Variants in NTRK1 observed in about 807,000 individuals in gnomAD.
NTRK1 encodes high affinity nerve growth factor receptor.
NTRK1 carries 62 observed loss-of-function variants against 86.8 expected under a neutral mutation model. That is an observed-to-expected ratio of 0.71 (90% CI 0.58 to 0.88). NTRK1 has a LOEUF of 0.88. NTRK1 is among the 40% of genes least tolerant of loss of function. The pLI, the probability that NTRK1 is intolerant of heterozygous loss-of-function variation, is 0.00. For synonymous variants in NTRK1, 469 were observed against 456.6 expected (o/e 1.03, Z -0.35); for missense variants, 967 against 1,078.4 (o/e 0.90, Z 1.45).
rs369809596 is a variant in NTRK1 at position 156,816,119 on chromosome 1, G to A, written c.-64+281G>A. Reference sequence around the variant, plus strand: ...CCTGTGAGCACAAAGAGGGCTGCCGGGGTTTCTCAGAGAGGAACTATGTCT... The same window carrying A: ...CCTGTGAGCACAAAGAGGGCTGCCGAGGTTTCTCAGAGAGGAACTATGTCT... On this transcript the variant is annotated intron_variant, in intron 1 of 16. Coordinates refer to the NTRK1 transcript ENST00000392302. The A allele has an allele frequency of 5.6e-6, 9 of 1,599,100 alleles. No homozygotes were observed. In the South Asian group the frequency reaches 5.7e-5, roughly 10 times the overall value.
chr1:156,868,674 C>T, intron 6 of NTRK1, 27 bp downstream of exon 6: 1 of 1,549,290 alleles, frequency 6.5e-7, no homozygotes, highest in Non-Finnish European at 8.7e-7. Context: ...TGGCAGCCCC[C>T]AAGAGGTCCA....
chr1:156,871,905 T>C lies in NTRK1; in HGVS notation c.850+150T>C, dbSNP rs1382568894. On this transcript the variant is annotated intron_variant, in intron 7 of 16. Transcript: ENST00000524377. ...CTGTTTCCAGATTCCCATGAAAACC[T>C]GATCCTTTGGGGGAAGTCCTGGGGT... is the stretch of plus-strand genomic sequence containing the variant. 11 of 1,154,502 alleles carry C rather than the reference T, an allele frequency of 9.5e-6. 1 individual carries two copies. The highest frequency in any genetic ancestry group is 6.7e-5 in the South Asian group (5 of 74,450). 71.5% of individuals were successfully genotyped at this position (1,154,502 alleles called of 1,614,324 possible).
At chr1:156,853,644 A>G (rs1378891567) in intron 2 of NTRK1, 2 of 1,135,994 alleles carry the variant, frequency 1.8e-6, no homozygotes, top group African/African-American at 1.6e-5. Flanking sequence ...TGAGGATTAA[A>G]AAACAGTGGC....
At chr1:156,876,334 G>A (rs2102918675) in intron 13 of NTRK1, 66 bp from the exon 14 acceptor site, 2 of 1,610,312 alleles carry the variant, frequency 1.2e-6, no homozygotes, top group African/African-American at 1.3e-5. Context: ...TGGGCGGGCT[G>A]CCCTGGGTGA....
rs1654742346 is a variant in NTRK1 at position 156,840,735 on chromosome 1, T to C, written c.-63-1346T>C. On this transcript the variant is annotated intron_variant, in intron 1 of 16. Transcript: ENST00000392302. ...CTCTGCCCACCCCCACAGCCTTCCCTGCTCCTGTTCTCTGCCCCACCCTCG... is the reference window on the plus strand; with the variant it reads ...CTCTGCCCACCCCCACAGCCTTCCCCGCTCCTGTTCTCTGCCCCACCCTCG... The C allele has an allele frequency of 1.3e-5, 9 of 689,616 alleles. No homozygotes were observed. The East Asian group carries it at 1.9e-4, about 14-fold the overall frequency. 42.7% of individuals were successfully genotyped at this position (689,616 alleles called of 1,614,324 possible).
chr1:156,852,029 T>C, intron 2 of NTRK1: 1 of 1,613,474 alleles, frequency 6.2e-7, no homozygotes, highest in Non-Finnish European at 8.5e-7. Flanking sequence ...CTCATACTGG[T>C]AGGTGCCTGG....
intron 1 of NTRK1, among the ~76,000 whole-genome samples, chr1:156,825,654 T>C (rs1202271394): frequency 6.6e-6 from 1 of 152,186 alleles, no homozygotes; most frequent in Non-Finnish European, 1.5e-5. Flanking sequence ...CCTTGCCTTA[T>C]TTGAGGATTA....
intron 2 of NTRK1, chr1:156,849,313 C>CGGT: frequency 6.2e-7 from 1 of 1,613,986 alleles, no homozygotes; most frequent in Non-Finnish European, 8.5e-7. Flanking sequence ...GCGTGCCTGT[C>CGGT]ACCTCCTCCA....
chr1:156,846,474 T>C lies in NTRK1; in HGVS notation c.50+4281T>C, dbSNP rs780987222. The C allele has an allele frequency of 1.0e-5, 15 of 1,478,156 alleles. No individual in the cohort carries two copies. In the South Asian group the frequency reaches 1.4e-4, roughly 14 times the overall value. The allele number at this position is 1,478,156 out of a possible 1,614,324, so 91.6% of individuals were successfully genotyped here. A position where few individuals can be genotyped will look rare whatever the true frequency, so the allele number is the denominator to read the frequency against. The stretch of plus-strand genomic sequence containing the variant: ...TGGTGCCTGTGCTCCCCTGTTCTCA[T>C]GGATGCAGGCGTCTGACTGACTCTT... On this transcript the variant is annotated intron_variant, in intron 2 of 16. Transcript: ENST00000392302.
intron 2 of NTRK1, chr1:156,846,785 G>A (rs771153136): frequency 1.9e-6 from 3 of 1,575,324 alleles, no homozygotes; most frequent in Non-Finnish European, 1.7e-6. Context: ...GAGCTGAGGG[G>A]TCATTCAACC....
At chr1:156,871,892 T>A in intron 7 of NTRK1, 137 bp downstream of exon 7, 1 of 1,246,692 alleles carries the variant, frequency 8.0e-7, no homozygotes, top group African/African-American at 1.5e-5. Flanking sequence ...GTTTCCAGAT[T>A]CCCATGAAAA....
At chr1:156,875,361 C>G (rs750213283) in intron 11 of NTRK1, among the ~76,000 whole-genome samples, 159 bp from the exon 12 acceptor site, 1 of 151,968 alleles carries the variant, frequency 6.6e-6, no homozygotes, top group Non-Finnish European at 1.5e-5. Flanking sequence ...CAGGGAGAGG[C>G]GGTGGTGCCC....
chr1:156,849,476 GGACCTTGCTCTGCGGGGAGGT>G (rs1282525060), intron 2 of NTRK1: 1 of 1,571,878 alleles, frequency 6.4e-7, no homozygotes, highest in Non-Finnish European at 8.7e-7. Context: ...GGAGGCCAGG[GGACCTTGCTCTGCGGGGAGGT>G]GGGGGCAGGG....
upstream of NTRK1, among the ~76,000 whole-genome samples, chr1:156,859,831 G>C (rs746240595): frequency 6.6e-6 from 1 of 152,150 alleles, no homozygotes; most frequent in Non-Finnish European, 1.5e-5. The surrounding 1 kb of genome is among the most constrained non-coding windows in gnomAD (Gnocchi z 6.2). Context: ...TCCCCGCCAA[G>C]AGACACCCCT....
At chr1:156,874,268 C>T (rs1647756776) in intron 8 of NTRK1, 115 bp from the exon 9 acceptor site, 2 of 1,501,424 alleles carry the variant, frequency 1.3e-6, no homozygotes, top group Non-Finnish European at 9.3e-7. Flanking sequence ...TCCATCCCCC[C>T]TCGTCCCATG....
chr1:156,849,125 T>C, intron 2 of NTRK1: 2 of 1,597,074 alleles, frequency 1.3e-6, no homozygotes, highest in East Asian at 2.2e-5. Context: ...CGGCATCCCA[T>C]TCCCAGTGAG....
intron 1 of NTRK1, among the ~76,000 whole-genome samples, chr1:156,835,803 C>T (rs1314393927): frequency 6.6e-6 from 1 of 152,180 alleles, no homozygotes; most frequent in Non-Finnish European, 1.5e-5. Context: ...TATTTCAGCT[C>T]TTGGCCTTCC....
At chr1:156,844,836 A>G (rs888549662) in intron 2 of NTRK1, 2 of 1,613,886 alleles carry the variant, frequency 1.2e-6, no homozygotes, top group African/African-American at 2.7e-5. Flanking sequence ...GAATACCATC[A>G]GCCTCTCCTG....
intron 1 of NTRK1, among the ~76,000 whole-genome samples, chr1:156,831,730 G>A (rs886949338): frequency 6.6e-5 from 10 of 152,296 alleles, no homozygotes; most frequent in African/African-American, 2.4e-4. Flanking sequence ...GAAGCTGAAG[G>A]TATCACAGGA....
Sources: gnomAD v4.1 joint callset for allele counts (sites outside exome capture counted in the v4.1 genomes callset) on GRCh38, gnomAD v4.1.1 for gene constraint, Gnocchi (gnomAD v3.1) non-coding constraint, MANE v1.5 for transcripts, NCBI Gene and HGNC (gene_info 2026-07-23, HGNC 2026-07-21) for gene names.